The following C7orf78 variants were observed in gnomAD, a reference collection of about 807,000 sequenced individuals.
C7orf78 encodes the protein putative uncharacterized protein C7orf78.
At chr7:12,495,137 T>TG in the C7orf78 span, among the ~76,000 whole-genome samples, 1 of 152,214 alleles carries the variant, frequency 6.6e-6, no homozygotes, top group Non-Finnish European at 1.5e-5. Context: ...CAGAGTGTCC[T>TG]GGGCCTGGTC....
the C7orf78 span, among the ~76,000 whole-genome samples, chr7:12,493,413 G>C: frequency 2.6e-5 from 4 of 152,184 alleles, no homozygotes; most frequent in Non-Finnish European, 4.4e-5. Flanking sequence ...CTCTGAGGGA[G>C]AGGTTCTCAA....
the C7orf78 span, among the ~76,000 whole-genome samples, chr7:12,527,730 A>G: frequency 9.8e-5 from 12 of 123,022 alleles, no homozygotes; most frequent in African/African-American, 3.1e-4. Context: ...GAACATGTCT[A>G]CTTTCCTAGT....
chr7:12,525,931 T>C, the C7orf78 span: 256 of 396,582 alleles, frequency 6.5e-4, 1 homozygote, highest in African/African-American at 5.0e-3. Context: ...TTATGAATAT[T>C]GGAAAAAAAA....
At chr7:12,492,355 T>C in the C7orf78 span, among the ~76,000 whole-genome samples, 2 of 152,362 alleles carry the variant, frequency 1.3e-5, no homozygotes, top group African/African-American at 4.8e-5. Flanking sequence ...CAAGAAAAAG[T>C]ATCTTGATTT....
the C7orf78 span, chr7:12,504,389 G>A: frequency 2.1e-4 from 32 of 152,108 alleles, no homozygotes; most frequent in African/African-American, 7.2e-4. Flanking sequence ...AAATTAATTC[G>A]GTTTCTTAGC....
At chr7:12,502,493 C>T in the C7orf78 span, among the ~76,000 whole-genome samples, 29 of 151,526 alleles carry the variant, frequency 1.9e-4, no homozygotes, top group East Asian at 5.5e-3. Context: ...TGCTCACCGT[C>T]ACTGGCCATC....
At chr7:12,495,790 A>G in the C7orf78 span, among the ~76,000 whole-genome samples, 1 of 152,198 alleles carries the variant, frequency 6.6e-6, no homozygotes, top group Non-Finnish European at 1.5e-5. Context: ...ATTTATACAA[A>G]CATATGTAAT....
At chr7:12,515,637 T>C in the C7orf78 span, among the ~76,000 whole-genome samples, 14 of 152,302 alleles carry the variant, frequency 9.2e-5, no homozygotes, top group African/African-American at 3.4e-4. Context: ...TCCTAGAGAC[T>C]TGTTGAATGG....
chr7:12,532,713 T>G, the C7orf78 span, among the ~76,000 whole-genome samples: 1 of 152,196 alleles, frequency 6.6e-6, no homozygotes, highest in Non-Finnish European at 1.5e-5. Context: ...TCTAAGTATT[T>G]TATGAATAAC....
At chr7:12,541,973 T>G in the C7orf78 span, 2 of 152,310 alleles carry the variant, frequency 1.3e-5, no homozygotes. Context: ...CATGTTAAAA[T>G]AATTTTCTAA....
At chr7:12,511,783 G>A in the C7orf78 span, among the ~76,000 whole-genome samples, 765 of 151,754 alleles carry the variant, frequency 5.0e-3, 4 homozygotes, top group Non-Finnish European at 7.3e-3. Flanking sequence ...ATGGAGTCTT[G>A]CTCTGTCGCC....
At chr7:12,531,156 A>G in the C7orf78 span, 12 of 397,710 alleles carry the variant, frequency 3.0e-5, no homozygotes, top group East Asian at 3.6e-5. Flanking sequence ...TTACTACTCA[A>G]TTTCTGTTTT....
At chr7:12,516,277 A>G in the C7orf78 span, among the ~76,000 whole-genome samples, 4 of 152,254 alleles carry the variant, frequency 2.6e-5, no homozygotes, top group African/African-American at 9.6e-5. Context: ...GCAAGCCCCA[A>G]GCCTTGGCAG....
At chr7:12,538,786 T>C in the C7orf78 span, among the ~76,000 whole-genome samples, 3 of 152,122 alleles carry the variant, frequency 2.0e-5, no homozygotes, top group African/African-American at 7.2e-5. Flanking sequence ...CCCGTTTTCC[T>C]TTCCCCTTTC....
chr7:12,525,017 G>A, the C7orf78 span, among the ~76,000 whole-genome samples: 2 of 152,086 alleles, frequency 1.3e-5, no homozygotes, highest in Non-Finnish European at 2.9e-5. Flanking sequence ...TTAAACCTCA[G>A]TGAAGGCTTT....
At chr7:12,528,045 G>A in the C7orf78 span, among the ~76,000 whole-genome samples, 16 of 144,486 alleles carry the variant, frequency 1.1e-4, no homozygotes, top group African/African-American at 3.8e-4. Flanking sequence ...GAACATGTCA[G>A]CTTTCCTAGT....
the C7orf78 span, among the ~76,000 whole-genome samples, chr7:12,490,261 T>C: frequency 6.6e-6 from 1 of 152,130 alleles, no homozygotes; most frequent in Non-Finnish European, 1.5e-5. Context: ...CTTGTAATCA[T>C]AATAGAGGGA....
At chr7:12,498,648 G>C in the C7orf78 span, among the ~76,000 whole-genome samples, 2 of 152,132 alleles carry the variant, frequency 1.3e-5, no homozygotes, top group East Asian at 3.8e-4. Flanking sequence ...GAACCGAGTT[G>C]GAAAACACTC....
the C7orf78 span, among the ~76,000 whole-genome samples, chr7:12,514,736 T>C: frequency 6.6e-6 from 1 of 152,162 alleles, no homozygotes; most frequent in Non-Finnish European, 1.5e-5. Context: ...TACACTTACT[T>C]ATGTTTTCAT....
Sources: gnomAD v4.1 joint callset for allele counts (sites outside exome capture counted in the v4.1 genomes callset) on GRCh38, gnomAD v4.1.1 for gene constraint, MANE v1.5 for transcripts, NCBI Gene and HGNC (gene_info 2026-07-23, HGNC 2026-07-21) for gene names.